Variants in BICRAL observed in about 807,000 individuals in gnomAD.
BICRAL encodes BRD4-interacting chromatin-remodeling complex-associated protein-like.
Under a neutral mutation model 91.8 loss-of-function variants are expected in BICRAL, and 8 were observed. The observed-to-expected ratio is 0.09, with a 90% CI of 0.05 to 0.16. BICRAL has a LOEUF of 0.16. BICRAL is among the 10% of genes least tolerant of loss of function. The pLI is 1.00. For synonymous variants in BICRAL, 445 were observed against 491.1 expected (o/e 0.91, Z 1.24); for missense variants, 1,038 against 1,310.9 (o/e 0.79, Z 3.21).
intron 1 of BICRAL, among the ~76,000 whole-genome samples, chr6:42,773,714 C>T (rs1315205335): frequency 3.9e-5 from 6 of 152,068 alleles, no homozygotes. Flanking sequence ...AGGGTTTCTT[C>T]ATGTTGGCCA....
At chr6:42,805,655 C>G (rs999222793) in intron 1 of BICRAL, among the ~76,000 whole-genome samples, 1 of 152,106 alleles carries the variant, frequency 6.6e-6, no homozygotes, top group Non-Finnish European at 1.5e-5. Context: ...ACACAAACCT[C>G]TGCCCTGATG....
chr6:42,859,802 C>T (rs933489521), intron 10 of BICRAL, among the ~76,000 whole-genome samples: 10 of 152,028 alleles, frequency 6.6e-5, no homozygotes, highest in African/African-American at 2.4e-4. Flanking sequence ...CCACCACGCC[C>T]AGCTAATTTT....
intron 6 of BICRAL, among the ~76,000 whole-genome samples, chr6:42,846,102 C>T (rs1397787225): frequency 6.7e-6 from 1 of 149,652 alleles, no homozygotes; most frequent in Non-Finnish European, 1.5e-5. Context: ...CTAGGCCAGG[C>T]GTCATGGCTC....
At chr6:42,841,075 TAAAAAAAAAA>T (rs758007416) in intron 6 of BICRAL, among the ~76,000 whole-genome samples, 9 of 85,278 alleles carry the variant, frequency 1.1e-4, no homozygotes, top group Non-Finnish European at 1.5e-4. Context: ...ACTCAATCTT[TAAAAAAAAAA>T]AAAAAAAAAA....
chr6:42,862,728 C>T, intron 12 of BICRAL, 116 bp downstream of exon 12: 1 of 685,922 alleles, frequency 1.5e-6, no homozygotes, highest in Non-Finnish European at 2.7e-6. Flanking sequence ...AACGTGAATT[C>T]TGGGGAGAGC....
At chr6:42,769,567 C>T (rs1019507267) in intron 1 of BICRAL, among the ~76,000 whole-genome samples, 5 of 152,122 alleles carry the variant, frequency 3.3e-5, no homozygotes, top group Non-Finnish European at 7.3e-5. Context: ...TGCCAAGTGC[C>T]GGGACTGGGA....
intron 1 of BICRAL, among the ~76,000 whole-genome samples, chr6:42,792,930 A>G (rs914958171): frequency 2.7e-5 from 4 of 150,928 alleles, no homozygotes; most frequent in Non-Finnish European, 4.4e-5. Context: ...AAAGAAAAAA[A>G]GGAGAAAGAA....
At chr6:42,776,615 T>A (rs972525193) in intron 1 of BICRAL, among the ~76,000 whole-genome samples, 3 of 152,166 alleles carry the variant, frequency 2.0e-5, no homozygotes, top group Non-Finnish European at 4.4e-5. Flanking sequence ...CCCAAAGTGT[T>A]AGGATTACAG....
intron 1 of BICRAL, among the ~76,000 whole-genome samples, chr6:42,761,636 A>G (rs549876445): frequency 3.6e-4 from 55 of 151,788 alleles, no homozygotes; most frequent in African/African-American, 1.3e-3. Flanking sequence ...GGCTGGGCAC[A>G]GTGGCTCATA....
chr6:42,808,463 T>A (rs547276730), intron 1 of BICRAL, among the ~76,000 whole-genome samples: 42 of 152,318 alleles, frequency 2.8e-4, no homozygotes, highest in African/African-American at 9.4e-4. Flanking sequence ...CCTATATGTA[T>A]ACCTATTCTC....
At chr6:42,844,501 T>TC (rs1194109468) in intron 6 of BICRAL, among the ~76,000 whole-genome samples, 2 of 75,176 alleles carry the variant, frequency 2.7e-5, no homozygotes, top group Non-Finnish European at 4.8e-5. Flanking sequence ...AGAGCAAGAC[T>TC]CCATCTCAAA....
chr6:42,801,237 C>T (rs547109215), intron 1 of BICRAL, among the ~76,000 whole-genome samples: 77 of 128,316 alleles, frequency 6.0e-4, no homozygotes, highest in Middle Eastern at 4.2e-3. Flanking sequence ...GCTGGCAGAG[C>T]GAGACTCTGT....
In BICRAL at chr6:42,867,212, G is replaced by C. The variant is rs1258015558; in HGVS notation, c.*1766G>C. 1 of 205,300 alleles carries C rather than the reference G, an allele frequency of 4.9e-6. No homozygotes were observed. The highest frequency in any genetic ancestry group is 1.0e-5 in the Non-Finnish European group (1 of 99,434). The allele number at this position is 205,300 out of a possible 1,614,324, so 12.7% of individuals were successfully genotyped here. On this transcript the variant is annotated 3_prime_UTR_variant, in exon 13 of 13. Coordinates refer to ENST00000314073, the MANE Select transcript of BICRAL (RefSeq NM_001393499.1). Reference sequence around the variant, plus strand: ...CTAATTAGAAAACACAGCAACAGAAGACCTATACCCCGGTGCCCCTGTGTC... The same window carrying C: ...CTAATTAGAAAACACAGCAACAGAACACCTATACCCCGGTGCCCCTGTGTC...
chr6:42,782,982 A>AGGGGAGAGGGT (rs1411025082), intron 1 of BICRAL, among the ~76,000 whole-genome samples: 1 of 71,136 alleles, frequency 1.4e-5, no homozygotes, highest in East Asian at 4.1e-4. Flanking sequence ...GGGGAGGGGG[A>AGGGGAGAGGGT]GGGGAGAGGG....
chr6:42,835,278 G>A (rs1286866782), intron 6 of BICRAL, among the ~76,000 whole-genome samples: 6 of 151,952 alleles, frequency 3.9e-5, no homozygotes, highest in African/African-American at 9.7e-5. Flanking sequence ...ACAGGCGTGC[G>A]CCACCACAAC....
At chr6:42,845,965 G>A (rs2113999317) in intron 6 of BICRAL, among the ~76,000 whole-genome samples, 1 of 150,964 alleles carries the variant, frequency 6.6e-6, no homozygotes, top group East Asian at 1.9e-4. Flanking sequence ...CAGCTAATCG[G>A]GAGGCTGAGG....
intron 1 of BICRAL, among the ~76,000 whole-genome samples, chr6:42,783,084 G>T (rs897779461): frequency 1.3e-5 from 2 of 151,766 alleles, no homozygotes; most frequent in East Asian, 1.9e-4. Flanking sequence ...AGGAGAGCAG[G>T]TCCGGGGTGC....
chr6:42,822,162 A>G (rs2113940752), intron 3 of BICRAL, 99 bp downstream of exon 3: 1 of 681,416 alleles, frequency 1.5e-6, no homozygotes, highest in Non-Finnish European at 2.6e-6. Context: ...GGTATTTTAA[A>G]TAAAAATTAA....
At chr6:42,846,047 G>A (rs1395563961) in intron 6 of BICRAL, among the ~76,000 whole-genome samples, 1 of 135,414 alleles carries the variant, frequency 7.4e-6, no homozygotes, top group African/African-American at 2.8e-5. Context: ...GGGCAATAGA[G>A]TGAGACTCCA....
Sources: gnomAD v4.1 joint callset for allele counts (sites outside exome capture counted in the v4.1 genomes callset) on GRCh38, gnomAD v4.1.1 for gene constraint, MANE v1.5 for transcripts, NCBI Gene and HGNC (gene_info 2026-07-23, HGNC 2026-07-21) for gene names.